Variants in SNAP91 observed in about 807,000 individuals in gnomAD.
The protein encoded by SNAP91 is clathrin coat assembly protein AP180.
In SNAP91, 27 loss-of-function variants were observed where a neutral mutation model predicts 100.3. The ratio of observed to expected loss-of-function variants is 0.27; its 90% confidence interval spans 0.20 to 0.37. SNAP91 has a LOEUF of 0.37. Among genes scored for constraint, SNAP91 ranks in the 10% least tolerant of loss-of-function variants. The probability of loss-of-function intolerance (pLI) is 1.00; values close to 1 mark genes in which losing one functional copy is unlikely to be tolerated. For missense variants in SNAP91, 986 were observed against 1,123.7 expected (o/e 0.88, Z 1.75); for synonymous variants, 404 against 398.6 (o/e 1.01, Z -0.16).
chr6:83,698,238 A>C (rs1380360138), intron 2 of SNAP91, among the ~76,000 whole-genome samples: 1 of 151,962 alleles, frequency 6.6e-6, no homozygotes, highest in Non-Finnish European at 1.5e-5. Flanking sequence ...TATCAAGGGA[A>C]AAACACCTGA....
intron 2 of SNAP91, among the ~76,000 whole-genome samples, chr6:83,671,998 A>C (rs2098794049): frequency 6.6e-6 from 1 of 151,630 alleles, no homozygotes; most frequent in East Asian, 1.9e-4. Context: ...CTTGCTCAAA[A>C]CCCCCTGGGG....
chr6:83,630,104 A>G (rs2097146167), intron 8 of SNAP91, among the ~76,000 whole-genome samples: 1 of 152,136 alleles, frequency 6.6e-6, no homozygotes, highest in Admixed American at 6.6e-5. Flanking sequence ...ATCTATTGAG[A>G]TGATCACGTG....
intron 8 of SNAP91, among the ~76,000 whole-genome samples, chr6:83,640,653 T>C (rs1229441899): frequency 1.3e-5 from 2 of 152,178 alleles, no homozygotes; most frequent in Non-Finnish European, 2.9e-5. Context: ...TATTTTTCAT[T>C]GTGTATAAAT....
chr6:83,579,774 C>T (rs80343052), intron 24 of SNAP91, among the ~76,000 whole-genome samples: 5,054 of 152,196 alleles, frequency 0.033, 109 homozygotes, highest in East Asian at 0.058. Context: ...TAGATCATCA[C>T]GTAGTTTACC....
At chr6:83,661,907 CT>C (rs1438413101) in intron 4 of SNAP91, among the ~76,000 whole-genome samples, 1 of 152,176 alleles carries the variant, frequency 6.6e-6, no homozygotes, top group African/African-American at 2.4e-5. Context: ...ATGCAGCCAT[CT>C]GATAATGTTC....
chr6:83,558,674 G>A (rs144977663), intron 28 of SNAP91, among the ~76,000 whole-genome samples: 35 of 152,308 alleles, frequency 2.3e-4, no homozygotes, highest in African/African-American at 8.2e-4. Context: ...GTATTCCATG[G>A]ATAAGACAGT....
At chr6:83,606,213 T>A (rs1397030836) in intron 13 of SNAP91, among the ~76,000 whole-genome samples, 4 of 152,214 alleles carry the variant, frequency 2.6e-5, no homozygotes, top group African/African-American at 9.6e-5. Flanking sequence ...TTTTCTCTAT[T>A]TCCTAAAATC....
chr6:83,574,659 T>C (rs528746864), intron 26 of SNAP91, among the ~76,000 whole-genome samples: 4 of 152,234 alleles, frequency 2.6e-5, no homozygotes, highest in Admixed American at 2.0e-4. Flanking sequence ...TTTACAAATA[T>C]GGAAGTATAA....
chr6:83,599,837 G>A (rs986098447), intron 16 of SNAP91, among the ~76,000 whole-genome samples: 3 of 152,110 alleles, frequency 2.0e-5, no homozygotes, highest in Non-Finnish European at 4.4e-5. Flanking sequence ...CTAGGCTAAA[G>A]TGCAGTGGCG....
intron 11 of SNAP91, among the ~76,000 whole-genome samples, chr6:83,611,787 C>T (rs1256975392): frequency 6.6e-6 from 1 of 151,538 alleles, no homozygotes; most frequent in Non-Finnish European, 1.5e-5. Flanking sequence ...AGCTCCGCCT[C>T]CCGGGTTCAC....
At chr6:83,644,056 AT>A (rs2097821678) in intron 7 of SNAP91, among the ~76,000 whole-genome samples, 1 of 152,214 alleles carries the variant, frequency 6.6e-6, no homozygotes, top group African/African-American at 2.4e-5. Flanking sequence ...CAATCTTCAT[AT>A]AAAAAACTTC....
intron 23 of SNAP91, among the ~76,000 whole-genome samples, chr6:83,580,811 T>C (rs1827197522): frequency 6.6e-6 from 1 of 152,102 alleles, no homozygotes; most frequent in South Asian, 2.1e-4. Flanking sequence ...CTAATGAACA[T>C]GAACAAGGAT....
chr6:83,658,563 G>A (rs2098462558), intron 6 of SNAP91, among the ~76,000 whole-genome samples: 2 of 152,082 alleles, frequency 1.3e-5, no homozygotes, highest in Middle Eastern at 3.4e-3. Flanking sequence ...CGGAGATCGC[G>A]CCACTGCACT....
At chr6:83,672,882 T>C (rs2128842354) in intron 2 of SNAP91, among the ~76,000 whole-genome samples, 1 of 152,258 alleles carries the variant, frequency 6.6e-6, no homozygotes, top group Non-Finnish European at 1.5e-5. Flanking sequence ...CTAAGTTTAA[T>C]TATATGACTC....
intron 23 of SNAP91, among the ~76,000 whole-genome samples, chr6:83,581,256 T>C (rs1827978958): frequency 6.6e-6 from 1 of 152,136 alleles, no homozygotes; most frequent in Non-Finnish European, 1.5e-5. Flanking sequence ...CCTGAAAAAG[T>C]TGATCACATT....
chr6:83,598,867 C>T (rs951740944), intron 16 of SNAP91, among the ~76,000 whole-genome samples: 2 of 151,998 alleles, frequency 1.3e-5, no homozygotes, highest in African/African-American at 4.8e-5. Context: ...ATATAGACTC[C>T]TGAACATAAA....
intron 22 of SNAP91, among the ~76,000 whole-genome samples, chr6:83,584,032 A>G (rs1832263509): frequency 6.6e-6 from 1 of 152,226 alleles, no homozygotes; most frequent in Non-Finnish European, 1.5e-5. Context: ...GACGTTCTCT[A>G]AATCAGTAAG....
intron 8 of SNAP91, among the ~76,000 whole-genome samples, chr6:83,628,715 AT>A (rs999477211): frequency 2.0e-5 from 3 of 149,058 alleles, no homozygotes; most frequent in African/African-American, 4.9e-5. Context: ...TTTTGATGGG[AT>A]TTTTTTTTCT....
At chr6:83,676,311 T>A (rs1026497764) in intron 2 of SNAP91, among the ~76,000 whole-genome samples, 1 of 152,028 alleles carries the variant, frequency 6.6e-6, no homozygotes, top group Non-Finnish European at 1.5e-5. Flanking sequence ...AGACATACAA[T>A]GTCGAGCACA....
Sources: allele counts gnomAD v4.1 joint callset (sites outside exome capture counted in the v4.1 genomes callset), GRCh38; gene constraint gnomAD v4.1.1; transcripts MANE v1.5; gene names NCBI Gene and HGNC (gene_info 2026-07-23, HGNC 2026-07-21).